The following PGF variants were observed in gnomAD, a reference collection of about 807,000 sequenced individuals.
The protein encoded by PGF is placental growth factor.
In PGF, 11 loss-of-function variants were observed where a neutral mutation model predicts 25.3. The observed-to-expected ratio is 0.43, with a 90% CI of 0.27 to 0.72. The LOEUF (loss-of-function observed/expected upper bound fraction) is 0.72, where lower values mean the gene tolerates loss of function less well. PGF is among the 30% of genes least tolerant of loss of function. The pLI is 0.18. For synonymous variants in PGF, 105 were observed against 97.9 expected (o/e 1.07, Z -0.43); for missense variants, 230 against 234.9 (o/e 0.98, Z 0.14).
rs189531241 is a variant in PGF at position 74,944,353 on chromosome 14, T to C, written c.486-1620A>G. On this transcript the variant is annotated intron_variant, in intron 6 of 6. Transcript: ENST00000555567. ...TCCTAACCTTGCGATCCGCCCGCCT[T>C]GGCCTCCAAAAGTGCTGGGATTACA... 6.5e-3 allele frequency among the ~76,000 whole-genome samples: 985 copies of C among 152,106 alleles called. 7 individuals carry two copies. The highest frequency in any genetic ancestry group is 0.022 in the African/African-American group (894 of 41,490).
chr14:74,944,547 T>TA (rs1189233220), intron 6 of PGF: 5 of 151,958 alleles, frequency 3.3e-5, no homozygotes, highest in Admixed American at 1.3e-4. Flanking sequence ...TGTAATGACT[T>TA]ATACTTTTTT....
At chr14:74,954,290 G>A (rs1049976362) in intron 1 of PGF, 5 of 282,734 alleles carry the variant, frequency 1.8e-5, no homozygotes, top group Admixed American at 8.6e-5. Flanking sequence ...TGCACAGCCC[G>A]CCTTGGCTGG....
chr14:74,946,292 G>A lies in PGF; in HGVS notation c.423-17C>T, dbSNP rs200175789. 5.6e-5 allele frequency: 90 copies of A among 1,614,024 alleles called. No individual in the cohort carries two copies. The highest frequency in any genetic ancestry group is 1.2e-4 in the South Asian group (11 of 91,088). On this transcript the variant is annotated splice_polypyrimidine_tract_variant and intron_variant, in intron 5 of 6. Coordinates refer to ENST00000555567, the MANE Select transcript of PGF (RefSeq NM_002632.6). ...GGTCTCCTCCTGCAATAAGCCAAGC[G>A]TCAGGACAAGGTGGCTGGGGAACCC...
At position 74,953,774 on chromosome 14, in the gene PGF, A is replaced by T. The variant is rs1165210602; in HGVS notation, c.118+130T>A. 10 of 918,518 alleles carry T rather than the reference A, an allele frequency of 1.1e-5. No homozygotes were observed. Among genetic ancestry groups the T allele is most frequent in the Middle Eastern group, 4.3e-4 (2 of 4,690 alleles). The allele number at this position is 918,518 out of a possible 1,614,324, so 56.9% of individuals were successfully genotyped here. A position where few individuals can be genotyped will look rare whatever the true frequency, so the allele number is the denominator to read the frequency against. ...TTAGGCCCTGCCAAAGTCATCACCC[A>T]GCATGTCTAGCTTGTAGGCTCTCCC... On this transcript the variant is annotated intron_variant, in intron 2 of 6. Coordinates refer to ENST00000555567, the MANE Select transcript of PGF (RefSeq NM_002632.6). This position sits in a 1 kb window ranked among gnomAD's most constrained non-coding sequence, Gnocchi z 5.4.
chr14:74,943,385 G>C (rs1184760348), intron 6 of PGF, among the ~76,000 whole-genome samples: 1 of 152,224 alleles, frequency 6.6e-6, no homozygotes, highest in Admixed American at 6.5e-5. Flanking sequence ...TGTAGGTCTT[G>C]AGAAAGAAAA....
intron 1 of PGF, among the ~76,000 whole-genome samples, chr14:74,954,446 A>G (rs541573777): frequency 6.6e-6 from 1 of 151,942 alleles, no homozygotes; most frequent in Admixed American, 6.5e-5. Context: ...CGGACTCCTC[A>G]GGGACTGCCC....
chr14:74,942,702 T>G lies in PGF; in HGVS notation c.*4A>C. The G allele has an allele frequency of 1.2e-6, 2 of 1,611,840 alleles. No homozygotes were observed. The highest frequency in any genetic ancestry group is 2.2e-5 in the South Asian group (2 of 90,856). The stretch of plus-strand genomic sequence containing the variant: ...TGCGGGGTCTCTCTCCTCCAAGGGG[T>G]GGGTTACCTCCGGGGAACAGCATCG... On this transcript the variant is annotated 3_prime_UTR_variant, in exon 7 of 7. Transcript: ENST00000555567.
In PGF at chr14:74,953,335, T is replaced by C. The variant is rs1302996555; in HGVS notation, c.118+569A>G. On this transcript the variant is annotated intron_variant, in intron 2 of 6. Coordinates refer to ENST00000555567, the MANE Select transcript of PGF (RefSeq NM_002632.6). This position sits in a 1 kb window ranked among gnomAD's most constrained non-coding sequence, Gnocchi z 5.4. ...ATGGGCCTCCTGCCTTCTGTACATA[T>C]GTCTCTTTGGCAAACGTCTCGTTGC... Among the ~76,000 whole-genome samples the C allele has an allele frequency of 6.6e-6, 1 of 152,174 alleles. No homozygotes were observed. The highest frequency in any genetic ancestry group is 2.4e-5 in the African/African-American group (1 of 41,444).
At chr14:74,952,734 C>T (rs373789584) in intron 2 of PGF, among the ~76,000 whole-genome samples, 13 of 152,344 alleles carry the variant, frequency 8.5e-5, no homozygotes, top group Admixed American at 2.0e-4. Flanking sequence ...AATGAATCTA[C>T]ACTTCCAGGC....
intron 4 of PGF, 108 bp downstream of exon 4, chr14:74,948,399 C>T (rs1022365349): frequency 2.6e-5 from 16 of 611,980 alleles, no homozygotes; most frequent in Non-Finnish European, 2.6e-5. Context: ...AAGTTCAGCC[C>T]GCAGCGGGGA....
Position 74,948,398 on chromosome 14 carries a change from C to T in PGF, c.392+109G>A, listed in dbSNP as rs181506783. The T allele has an allele frequency of 1.4e-3, 841 of 607,626 alleles. 4 individuals are homozygous for T. Among genetic ancestry groups the T allele is most frequent in the Middle Eastern group, 3.9e-3 (9 of 2,330 alleles). 37.6% of individuals were successfully genotyped at this position (607,626 alleles called of 1,614,324 possible). Reference sequence around the variant, plus strand: ...CCCTCAGTCTGGAAAAAAGTTCAGCCCGCAGCGGGGATGGGCAGCCTTTGC... The same window carrying T: ...CCCTCAGTCTGGAAAAAAGTTCAGCTCGCAGCGGGGATGGGCAGCCTTTGC... On this transcript the variant is annotated intron_variant, in intron 4 of 6. Transcript: ENST00000555567.
intron 6 of PGF, among the ~76,000 whole-genome samples, chr14:74,943,763 A>C (rs1269266166): frequency 2.0e-5 from 3 of 152,202 alleles, no homozygotes; most frequent in Non-Finnish European, 2.9e-5. Flanking sequence ...TTGTATTTTT[A>C]TGTTGAACAT....
Position 74,955,017 on chromosome 14 carries a change from A to G in PGF, c.75+151T>C, listed in dbSNP as rs1044317973. ...ACAGCCAGCCTGAGGTCTCTTCCCA[A>G]ACGAAAGAAGTCCAGCCTGGCCTTT... On this transcript the variant is annotated intron_variant, in intron 1 of 6. Coordinates refer to ENST00000555567, the MANE Select transcript of PGF (RefSeq NM_002632.6). This position sits in a 1 kb window ranked among gnomAD's most constrained non-coding sequence, Gnocchi z 4.1. 9 of 267,176 alleles carry G rather than the reference A, an allele frequency of 3.4e-5. No homozygotes were observed. Among genetic ancestry groups the G allele is most frequent in the Non-Finnish European group, 6.5e-5 (9 of 138,422 alleles). 16.6% of individuals were successfully genotyped at this position (267,176 alleles called of 1,614,324 possible). A position where few individuals can be genotyped will look rare whatever the true frequency, so the allele number is the denominator to read the frequency against.
chr14:74,955,306 C>A lies in PGF; in HGVS notation c.-64G>T. ...ACCACCATGCTCATCCCCCGGGGAG[C>A]CCCTGGCACAGGAGGAGAAGAGCTG... is the stretch of plus-strand genomic sequence containing the variant. On this transcript the variant is annotated 5_prime_UTR_variant, in exon 1 of 7. Coordinates refer to ENST00000555567, the MANE Select transcript of PGF (RefSeq NM_002632.6). The surrounding 1 kb of genome is among the most constrained non-coding windows in gnomAD (Gnocchi z 4.1). 9.3e-7 allele frequency: 1 copy of A among 1,075,162 alleles called. No individual in the cohort carries two copies. The highest frequency in any genetic ancestry group is 1.3e-6 in the Non-Finnish European group (1 of 792,512). The allele number at this position is 1,075,162 out of a possible 1,614,324, so 66.6% of individuals were successfully genotyped here. A position where few individuals can be genotyped will look rare whatever the true frequency, so the allele number is the denominator to read the frequency against.
chr14:74,952,268 G>A (rs938885444), intron 2 of PGF, among the ~76,000 whole-genome samples: 2 of 152,214 alleles, frequency 1.3e-5, no homozygotes, highest in Non-Finnish European at 2.9e-5. Flanking sequence ...AGAGCCACTG[G>A]CCACCAGCCC....
Position 74,942,221 on chromosome 14 carries a change from G to A in PGF, c.*485C>T, listed in dbSNP as rs553847430. On this transcript the variant is annotated 3_prime_UTR_variant, in exon 7 of 7. Coordinates refer to ENST00000555567, the MANE Select transcript of PGF (RefSeq NM_002632.6). ...AATGTTCTGATCTTCAGAAGAAGAG[G>A]GGGAAGTGGCTGGATCCCCTCCGCC... is the stretch of plus-strand genomic sequence containing the variant. 1 of 170,294 alleles carries A rather than the reference G, an allele frequency of 5.9e-6. No homozygotes were observed. The highest frequency in any genetic ancestry group is 1.9e-4 in the East Asian group (1 of 5,296). The allele number at this position is 170,294 out of a possible 1,614,324, so 10.5% of individuals were successfully genotyped here.
chr14:74,949,320 C>T (rs924190927), intron 3 of PGF, 37 bp downstream of exon 3: 2 of 1,438,202 alleles, frequency 1.4e-6, no homozygotes, highest in African/African-American at 2.9e-5. Context: ...TTCTAGTGGG[C>T]AGATTCGGTG....
chr14:74,949,924 C>CA (rs909307358), intron 2 of PGF, among the ~76,000 whole-genome samples: 2 of 152,182 alleles, frequency 1.3e-5, no homozygotes, highest in African/African-American at 4.8e-5. Context: ...TTGCAGAAAA[C>CA]AGTCATTCCT....
chr14:74,948,553 A>G lies in PGF; in HGVS notation c.346T>C (p.Ser116Pro), dbSNP rs1888796094. 4.4e-6 allele frequency: 7 copies of G among 1,605,060 alleles called. No individual in the cohort carries two copies. Among genetic ancestry groups the G allele is most frequent in the Non-Finnish European group, 6.0e-6 (7 of 1,173,202 alleles). The change falls in exon 4 of 7, where the codon TCC (serine) becomes CCC (proline). Residue 116 changes from serine (S) to proline (P), a missense_variant. Coordinates refer to ENST00000555567, the MANE Select transcript of PGF (RefSeq NM_002632.6). Reference protein sequence around the residue: ...LLKIRSGDRPSYVELTFSQHV... With the variant: ...LLKIRSGDRPPYVELTFSQHV... ...TGAGAGAACGTCAGCTCCACGTAGG[A>G]GGGCCGGTCCCCAGAACGGATCTTT...
Sources: allele counts gnomAD v4.1 joint callset (sites outside exome capture counted in the v4.1 genomes callset), GRCh38; gene constraint gnomAD v4.1.1; non-coding constraint Gnocchi (gnomAD v3.1); transcripts MANE v1.5; gene names NCBI Gene and HGNC (gene_info 2026-07-23, HGNC 2026-07-21).